C8A: variants seen among roughly 807,000 people sequenced by gnomAD.
C8A encodes complement component C8 alpha chain.
In C8A, 67 loss-of-function variants were observed where a neutral mutation model predicts 65.3. The ratio of observed to expected loss-of-function variants is 1.03; its 90% CI spans 0.84 to 1.26. The LOEUF is 1.26. Among genes scored for constraint, C8A ranks in the 50% most tolerant of loss-of-function variants. The pLI is 0.00. For synonymous variants in C8A, 290 were observed against 259.4 expected (o/e 1.12, Z -1.13); for missense variants, 781 against 723.9 (o/e 1.08, Z -0.90).
At chr1:56,887,203 T>TA (rs1424355371) in intron 7 of C8A, among the ~76,000 whole-genome samples, 3 of 152,176 alleles carry the variant, frequency 2.0e-5, no homozygotes, top group Non-Finnish European at 4.4e-5. Flanking sequence ...AGGTAGTCTT[T>TA]AAAAAACAAT....
intron 7 of C8A, among the ~76,000 whole-genome samples, chr1:56,898,482 G>A (rs1224990566): frequency 6.6e-6 from 1 of 152,116 alleles, no homozygotes; most frequent in Non-Finnish European, 1.5e-5. Flanking sequence ...ATTTGCATAT[G>A]CTATTTCTTC....
intron 6 of C8A, among the ~76,000 whole-genome samples, chr1:56,885,717 A>G (rs931218315): frequency 6.6e-6 from 1 of 151,416 alleles, no homozygotes; most frequent in Admixed American, 6.6e-5. Flanking sequence ...ATGCCCAGCT[A>G]ATTTTTGTAT....
intron 4 of C8A, among the ~76,000 whole-genome samples, chr1:56,879,658 C>T (rs976081220): frequency 7.9e-5 from 12 of 152,158 alleles, no homozygotes; most frequent in African/African-American, 2.9e-4. Flanking sequence ...TTTTTCTGAA[C>T]TTCAATTTCT....
intron 7 of C8A, among the ~76,000 whole-genome samples, chr1:56,889,775 G>A (rs1644329968): frequency 6.6e-6 from 1 of 152,054 alleles, no homozygotes; most frequent in Non-Finnish European, 1.5e-5. Context: ...TCCAGAGGAT[G>A]CACGAGGCTG....
At position 56,855,981 on chromosome 1, in the gene C8A, C is replaced by G. The variant is rs1754530; in HGVS notation, c.77+1003C>G. On this transcript the variant is annotated intron_variant, in intron 1 of 10. Transcript: ENST00000361249. Reference sequence around the variant, plus strand: ...GGCAAGAGAACTGTGTAAAGGAAATCTCCGCCGAGATATTCTTAATTATAA... The same window carrying G: ...GGCAAGAGAACTGTGTAAAGGAAATGTCCGCCGAGATATTCTTAATTATAA... Among the ~76,000 whole-genome samples the G allele has an allele frequency of 3.9e-3, 587 of 152,136 alleles. 5 individuals carry two copies. The highest frequency in any genetic ancestry group is 0.013 in the African/African-American group (554 of 41,514).
At chr1:56,869,086 C>T (rs1027572693) in intron 2 of C8A, among the ~76,000 whole-genome samples, 3 of 152,064 alleles carry the variant, frequency 2.0e-5, no homozygotes, top group African/African-American at 4.8e-5. Flanking sequence ...TAAGTTCTTT[C>T]GTGGTGATTT....
chr1:56,887,357 C>T (rs1644307914), intron 7 of C8A, among the ~76,000 whole-genome samples: 1 of 152,158 alleles, frequency 6.6e-6, no homozygotes. Context: ...ACATCCTCTC[C>T]AGCATTTGTT....
chr1:56,884,634 A>G (rs1312733088), intron 6 of C8A, among the ~76,000 whole-genome samples: 1 of 152,170 alleles, frequency 6.6e-6, no homozygotes, highest in Admixed American at 6.5e-5. Context: ...ACTTTTCTAA[A>G]AGCATGTGGA....
At chr1:56,907,895 G>C in intron 8 of C8A, 61 bp from the exon 9 acceptor site, 1 of 1,587,388 alleles carries the variant, frequency 6.3e-7, no homozygotes, top group African/African-American at 1.3e-5. Context: ...AGTGGGGTTT[G>C]TCAACCAGTC....
rs554065373 is a variant in C8A at position 56,857,427 on chromosome 1, G to A, written c.77+2449G>A. ...TGGTCCTTGTTCTGCAACCTATTATGTTTATTATTAATACATATAGTTATG... is the reference window on the plus strand; with the variant it reads ...TGGTCCTTGTTCTGCAACCTATTATATTTATTATTAATACATATAGTTATG... On this transcript the variant is annotated intron_variant, in intron 1 of 10. Transcript: ENST00000361249. 2.0e-5 allele frequency among the ~76,000 whole-genome samples: 3 copies of A among 151,790 alleles called. No homozygotes were observed. The South Asian group carries it at 6.2e-4, about 32-fold the overall frequency.
chr1:56,873,748 C>T (rs528185618), intron 2 of C8A, among the ~76,000 whole-genome samples: 2 of 152,260 alleles, frequency 1.3e-5, no homozygotes, highest in South Asian at 2.1e-4. Context: ...CCAGGAAATA[C>T]AGGGCTGCAC....
In C8A at chr1:56,908,072, G is replaced by A. The variant is rs149764808; in HGVS notation, c.1339G>A (p.Gly447Arg). Residue 447 changes from glycine (G) to arginine (R), a missense_variant, in exon 9 of 11, where the codon GGG becomes AGG. Transcript: ENST00000361249. Reference protein sequence around the residue: ...NRSTITYRSWGRSLKYNPVVI... With the variant: ...NRSTITYRSWRRSLKYNPVVI... ...GAGCACCATTACATACCGTTCCTGG[G>A]GGAGGTCATTAAAGTATAATCCTGT... 21 of 1,614,042 alleles carry A rather than the reference G, an allele frequency of 1.3e-5. No individual in the cohort carries two copies. Among genetic ancestry groups the A allele is most frequent in the Non-Finnish European group, 1.6e-5 (19 of 1,180,032 alleles).
intron 7 of C8A, among the ~76,000 whole-genome samples, chr1:56,899,412 G>A (rs1216721365): frequency 6.6e-6 from 1 of 152,058 alleles, no homozygotes; most frequent in East Asian, 1.9e-4. Flanking sequence ...TGTATAACCT[G>A]GGCAAGTGAC....
intron 2 of C8A, among the ~76,000 whole-genome samples, chr1:56,871,979 T>A (rs954045550): frequency 6.6e-6 from 1 of 152,314 alleles, no homozygotes; most frequent in Admixed American, 6.5e-5. Flanking sequence ...CAGTGGCATG[T>A]ACCAGATCCC....
At chr1:56,899,040 C>A (rs1384463987) in intron 7 of C8A, among the ~76,000 whole-genome samples, 1 of 152,164 alleles carries the variant, frequency 6.6e-6, no homozygotes, top group Non-Finnish European at 1.5e-5. Flanking sequence ...TCACTAGATT[C>A]TAACAAGCTC....
At chr1:56,869,391 G>A (rs1312277416) in intron 2 of C8A, among the ~76,000 whole-genome samples, 1 of 152,106 alleles carries the variant, frequency 6.6e-6, no homozygotes, top group East Asian at 1.9e-4. Flanking sequence ...TGGTGTATAT[G>A]TACCACATTT....
intron 7 of C8A, among the ~76,000 whole-genome samples, chr1:56,903,025 G>A (rs1450449075): frequency 6.6e-6 from 1 of 152,026 alleles, no homozygotes; most frequent in Non-Finnish European, 1.5e-5. Flanking sequence ...AAAACTCTAA[G>A]GCCTTTTCTT....
intron 10 of C8A, among the ~76,000 whole-genome samples, chr1:56,916,284 A>C (rs1325062409): frequency 1.3e-5 from 2 of 152,180 alleles, no homozygotes; most frequent in African/African-American, 4.8e-5. Context: ...CGCTCCATCA[A>C]CCTGGTTCAA....
chr1:56,890,763 T>A (rs1172408743), intron 7 of C8A, among the ~76,000 whole-genome samples: 1 of 152,118 alleles, frequency 6.6e-6, no homozygotes, highest in Non-Finnish European at 1.5e-5. Context: ...TCCTCTGATG[T>A]GTGTATAGCA....
Sources: gnomAD v4.1 joint callset for allele counts (sites outside exome capture counted in the v4.1 genomes callset) on GRCh38, gnomAD v4.1.1 for gene constraint, MANE v1.5 for transcripts, NCBI Gene and HGNC (gene_info 2026-07-23, HGNC 2026-07-21) for gene names.